Variants in ELAPOR1 observed in about 807,000 individuals in gnomAD.
ELAPOR1 encodes endosome-lysosome associated apoptosis and autophagy regulator 1.
In ELAPOR1, 77 loss-of-function variants were observed where a neutral mutation model predicts 119.7. The observed-to-expected ratio is 0.64, with a 90% CI of 0.54 to 0.78. The LOEUF (loss-of-function observed/expected upper bound fraction) is 0.78. Among genes scored for constraint, ELAPOR1 ranks in the 30% least tolerant of loss-of-function variants. The probability of loss-of-function intolerance (pLI) is 0.00; values close to 1 mark genes in which losing one functional copy is unlikely to be tolerated. For synonymous variants in ELAPOR1, 481 were observed against 487.2 expected, an observed-to-expected ratio of 0.99 and a Z score of 0.17; for missense variants, 1,115 against 1,270.4, an observed-to-expected ratio of 0.88 and a Z score of 1.86.
At chr1:109,183,155 A>G (rs1652799549) in intron 7 of ELAPOR1, among the ~76,000 whole-genome samples, 1 of 152,026 alleles carries the variant, frequency 6.6e-6, no homozygotes, top group Non-Finnish European at 1.5e-5. Flanking sequence ...TCAAATTTTC[A>G]AAAGAGTTTT....
chr1:109,189,850 A>G (rs1399299830), intron 11 of ELAPOR1, among the ~76,000 whole-genome samples, 168 bp downstream of exon 11: 2 of 152,176 alleles, frequency 1.3e-5, no homozygotes, highest in African/African-American at 4.8e-5. Flanking sequence ...CAATGCTATC[A>G]CGTTTTTCAA....
At chr1:109,194,691 G>A in intron 15 of ELAPOR1, 97 bp downstream of exon 15, 1 of 1,190,592 alleles carries the variant, frequency 8.4e-7, no homozygotes, top group East Asian at 2.4e-5. Flanking sequence ...AATCCTTCAG[G>A]TAGCAGGGGG....
At chr1:109,162,051 C>A in intron 2 of ELAPOR1, 37 bp downstream of exon 2, 1 of 1,581,416 alleles carries the variant, frequency 6.3e-7, no homozygotes, top group South Asian at 1.1e-5. Flanking sequence ...CCCTGTCACT[C>A]AGCTTTGGTC....
At chr1:109,191,227 A>C in intron 11 of ELAPOR1, 139 bp from the exon 12 acceptor site, 2 of 590,902 alleles carry the variant, frequency 3.4e-6, no homozygotes, top group South Asian at 4.3e-5. Context: ...CTAGGAGGGC[A>C]GAATTGGATT....
intron 11 of ELAPOR1, 37 bp from the exon 12 acceptor site, chr1:109,191,329 G>C: frequency 1.4e-6 from 2 of 1,459,260 alleles, no homozygotes; most frequent in Non-Finnish European, 1.9e-6. Context: ...AGCACTGCCT[G>C]GCCTTTAGAA....
At chr1:109,117,630 A>T (rs994581378) in intron 1 of ELAPOR1, among the ~76,000 whole-genome samples, 2 of 152,242 alleles carry the variant, frequency 1.3e-5, no homozygotes, top group Non-Finnish European at 2.9e-5. Context: ...TACCTATCTC[A>T]CAGGGCTGTT....
At chr1:109,128,731 C>T (rs925225547) in intron 1 of ELAPOR1, among the ~76,000 whole-genome samples, 4 of 152,126 alleles carry the variant, frequency 2.6e-5, no homozygotes, top group African/African-American at 9.7e-5. Context: ...ATATTTTGAG[C>T]CAAAATTTGT....
Position 109,162,019 on chromosome 1 carries a change from G to A in ELAPOR1, c.274+5G>A, listed in dbSNP as rs1324064065. 6 of 1,607,020 alleles carry A rather than the reference G, an allele frequency of 3.7e-6. No individual in the cohort carries two copies. Among genetic ancestry groups the A allele is most frequent in the Non-Finnish European group, 5.1e-6 (6 of 1,174,454 alleles). On this transcript the variant is annotated splice_donor_5th_base_variant and intron_variant, in intron 2 of 21. Transcript: ENST00000369939. Reference sequence around the variant, plus strand: ...CCATCAAGGGCACCGAGTGCTGTAAGCAGCTATCCTGCTCAGGGCCTCCCT... The same window carrying A: ...CCATCAAGGGCACCGAGTGCTGTAAACAGCTATCCTGCTCAGGGCCTCCCT...
At chr1:109,162,798 C>T (rs1197140938) in intron 2 of ELAPOR1, among the ~76,000 whole-genome samples, 1 of 152,246 alleles carries the variant, frequency 6.6e-6, no homozygotes, top group African/African-American at 2.4e-5. Flanking sequence ...CTGAGCAGAA[C>T]TGAGGTGTGA....
chr1:109,144,061 A>ATTTTTTTTT (rs71069655), intron 1 of ELAPOR1, among the ~76,000 whole-genome samples: 13 of 88,982 alleles, frequency 1.5e-4, no homozygotes, highest in African/African-American at 5.3e-4. Flanking sequence ...ATATTTATAT[A>ATTTTTTTTT]TTTTTTTTTT....
At chr1:109,134,535 C>T (rs1411876739) in intron 1 of ELAPOR1, among the ~76,000 whole-genome samples, 2 of 152,064 alleles carry the variant, frequency 1.3e-5, no homozygotes, top group East Asian at 1.9e-4. Context: ...CTCTGTGTAA[C>T]ATAAAAAAGA....
chr1:109,196,498 A>G (rs1396497637), intron 15 of ELAPOR1, among the ~76,000 whole-genome samples: 2 of 152,146 alleles, frequency 1.3e-5, no homozygotes, highest in African/African-American at 2.4e-5. Context: ...ATTTGGGGAA[A>G]TGGTGTATTT....
chr1:109,151,662 G>A (rs1650539199), intron 1 of ELAPOR1, among the ~76,000 whole-genome samples: 1 of 152,132 alleles, frequency 6.6e-6, no homozygotes, highest in African/African-American at 2.4e-5. Flanking sequence ...CCCAGCAAAG[G>A]GCTAGTCTCT....
At chr1:109,192,970 C>T in intron 14 of ELAPOR1, 96 bp downstream of exon 14, 1 of 1,347,482 alleles carries the variant, frequency 7.4e-7, no homozygotes, top group Non-Finnish European at 1.0e-6. Context: ...GAGGCTGATA[C>T]CCGAGTGCTC....
At position 109,185,080 on chromosome 1, in the gene ELAPOR1, T is replaced by C; in HGVS notation, c.988T>C (p.Cys330Arg). Reference sequence around the variant, plus strand: ...TTCTTCCTGTAACGTGCGCCCAGCTTGCACAGACAAAGATTATTTCTACAC... The same window carrying C: ...TTCTTCCTGTAACGTGCGCCCAGCTCGCACAGACAAAGATTATTTCTACAC... The part of the protein sequence containing the change: ...GSSSCNVRPA[C>R]TDKDYFYTHT... Residue 330 changes from cysteine (C) to arginine (R), a missense_variant, in exon 8 of 22, where the codon TGC becomes CGC. Coordinates refer to ENST00000369939, the MANE Select transcript of ELAPOR1 (RefSeq NM_020775.5). 1 of 1,614,182 alleles carries C rather than the reference T, an allele frequency of 6.2e-7. No homozygotes were observed. Among genetic ancestry groups the C allele is most frequent in the Non-Finnish European group, 8.5e-7 (1 of 1,180,010 alleles).
At position 109,198,667 on chromosome 1, in the gene ELAPOR1, C is replaced by T; in HGVS notation, c.2494C>T (p.Leu832=). 6.2e-7 allele frequency: 1 copy of T among 1,612,966 alleles called. No homozygotes were observed. The highest frequency in any genetic ancestry group is 8.5e-7 in the Non-Finnish European group (1 of 1,179,534). Residue 832 remains leucine (L), a synonymous_variant, in exon 18 of 22, where the codon CTG becomes TTG. Coordinates refer to ENST00000369939, the MANE Select transcript of ELAPOR1 (RefSeq NM_020775.5). ...PQKTVPGSLL[L]PGTCSDGTCD... ...GAAAACTGTCCCTGGAAGTTTGCTG[C>T]TGCCAGGGTAAGCCCTGCAAAGGGA...
At chr1:109,171,659 T>G (rs578219015) in intron 3 of ELAPOR1, among the ~76,000 whole-genome samples, 1 of 152,198 alleles carries the variant, frequency 6.6e-6, no homozygotes, top group Non-Finnish European at 1.5e-5. Flanking sequence ...CTGTCTGCCT[T>G]CCTCTTCTTA....
rs113482805 is a variant in ELAPOR1, at chr1:109,197,688, A to AGAGTGT, written c.2302+35_2302+36insAGTGTG. 62 of 1,366,816 alleles carry AGAGTGT rather than the reference A, an allele frequency of 4.5e-5. No individual in the cohort carries two copies. The South Asian group carries it at 7.9e-4, about 17-fold the overall frequency. 84.7% of individuals were successfully genotyped at this position (1,366,816 alleles called of 1,614,324 possible). ...CTCCGCTGCCTCAGCCTTGTTTGAGAGTGTGTGTGTGTGTGTGTGTGTGTG... is the reference window on the plus strand; with the variant it reads ...CTCCGCTGCCTCAGCCTTGTTTGAGAGAGTGTGTGTGTGTGTGTGTGTGTGTGTGTG... On this transcript the variant is annotated intron_variant, in intron 16 of 21. Transcript: ENST00000369939.
At chr1:109,170,988 C>T (rs1395855797) in intron 3 of ELAPOR1, among the ~76,000 whole-genome samples, 1 of 152,146 alleles carries the variant, frequency 6.6e-6, no homozygotes, top group Non-Finnish European at 1.5e-5. Context: ...GTAGACATTT[C>T]TGGAAAAACA....
Sources: allele counts gnomAD v4.1 joint callset (sites outside exome capture counted in the v4.1 genomes callset), GRCh38; gene constraint gnomAD v4.1.1; transcripts MANE v1.5; gene names NCBI Gene and HGNC (gene_info 2026-07-23, HGNC 2026-07-21).